The following SPHKAP variants were observed in gnomAD, a reference collection of about 807,000 sequenced individuals.
The protein encoded by SPHKAP is SPHK1 interactor, AKAP domain containing, also known as A-kinase anchor protein SPHKAP.
A neutral mutation model predicts 137.5 loss-of-function variants in SPHKAP; 67 were observed. The observed-to-expected ratio is 0.49, with a 90% confidence interval of 0.40 to 0.60. SPHKAP has a LOEUF of 0.60. Ranked by LOEUF, SPHKAP falls within the 20% of genes least tolerant of loss-of-function variation. The probability of loss-of-function intolerance (pLI) is 0.00; values close to 1 mark genes in which losing one functional copy is unlikely to be tolerated. For missense variants in SPHKAP, 2,097 were observed against 2,069.3 expected (o/e 1.01, Z -0.26); for synonymous variants, 813 against 785.3 (o/e 1.04, Z -0.59).
chr2:228,035,242 C>G (rs1695540261), intron 3 of SPHKAP, among the ~76,000 whole-genome samples: 1 of 119,486 alleles, frequency 8.4e-6, no homozygotes, highest in African/African-American at 3.4e-5. Context: ...CAATAACAGA[C>G]AAACAGAGAG....
intron 3 of SPHKAP, among the ~76,000 whole-genome samples, chr2:228,076,488 G>T (rs1697187723): frequency 6.6e-6 from 1 of 152,086 alleles, no homozygotes; most frequent in African/African-American, 2.4e-5. Context: ...GGCTGAGGTG[G>T]TTTCAGGTGG....
At chr2:227,993,913 G>T (rs1693522515) in intron 8 of SPHKAP, 1 of 342,446 alleles carries the variant, frequency 2.9e-6, no homozygotes, top group Admixed American at 6.5e-5. Context: ...CACACCTAGG[G>T]GGTAACAATC....
intron 11 of SPHKAP, among the ~76,000 whole-genome samples, chr2:227,985,772 A>G (rs1234975266): frequency 6.6e-6 from 1 of 152,216 alleles, no homozygotes; most frequent in Non-Finnish European, 1.5e-5. Flanking sequence ...AAATTAGATT[A>G]ATTGTTTACA....
intron 2 of SPHKAP, among the ~76,000 whole-genome samples, 189 bp from the exon 3 acceptor site, chr2:228,109,128 A>G (rs1202123732): frequency 6.6e-6 from 1 of 152,166 alleles, no homozygotes; most frequent in Admixed American, 6.5e-5. Context: ...CCAACCTAGA[A>G]TTAGCTTGAG....
chr2:227,988,263 T>C (rs1332644306), intron 11 of SPHKAP, among the ~76,000 whole-genome samples: 1 of 152,216 alleles, frequency 6.6e-6, no homozygotes, highest in Non-Finnish European at 1.5e-5. Flanking sequence ...GAGTCTTAGA[T>C]GACTCAAAAG....
intron 2 of SPHKAP, among the ~76,000 whole-genome samples, chr2:228,120,075 A>T (rs1390951990): frequency 6.6e-6 from 1 of 152,186 alleles, no homozygotes; most frequent in African/African-American, 2.4e-5. Flanking sequence ...ATTCTCCGTT[A>T]TCAAGAAGAA....
At chr2:228,131,875 T>C in intron 2 of SPHKAP, 105 bp downstream of exon 2, 1 of 1,448,090 alleles carries the variant, frequency 6.9e-7, no homozygotes, top group Non-Finnish European at 9.4e-7. Flanking sequence ...ATTTTGTTGT[T>C]TGTTTTTATT....
intron 3 of SPHKAP, among the ~76,000 whole-genome samples, chr2:228,036,471 G>A (rs1408802677): frequency 2.0e-5 from 3 of 152,226 alleles, no homozygotes; most frequent in Admixed American, 6.5e-5. Flanking sequence ...GGAAGACAGT[G>A]TGTCCATTCC....
intron 2 of SPHKAP, among the ~76,000 whole-genome samples, chr2:228,126,072 G>A (rs972040455): frequency 6.6e-6 from 1 of 152,046 alleles, no homozygotes; most frequent in Non-Finnish European, 1.5e-5. Context: ...AGAGTGATAT[G>A]CCTCAACAAC....
chr2:228,025,452 A>G lies in SPHKAP; in HGVS notation c.383T>C (p.Ile128Thr), dbSNP rs1339530545. ...MNVQQPKENEIVVLSGLASGN... is the reference protein window; with the variant it reads ...MNVQQPKENETVVLSGLASGN... The stretch of plus-strand genomic sequence containing the variant: ...AGAGGCTAACCCACTTAGGACAACA[A>G]TTTCATTTTCTTTTGGTTGTTGGAC... The change falls in exon 5 of 12, where the codon ATT becomes ACT. Residue 128 changes from isoleucine to threonine, a missense_variant. Ile to Thr is a moderately conservative substitution (Grantham distance 89). Transcript: ENST00000392056. 3 of 1,613,952 alleles carry G rather than the reference A, an allele frequency of 1.9e-6. No individual in the cohort carries two copies. Among genetic ancestry groups the G allele is most frequent in the Non-Finnish European group, 2.5e-6 (3 of 1,179,938 alleles).
intron 3 of SPHKAP, among the ~76,000 whole-genome samples, chr2:228,080,806 C>T (rs542001308): frequency 6.6e-6 from 1 of 151,574 alleles, no homozygotes; most frequent in South Asian, 2.1e-4. Flanking sequence ...AATGATGTAT[C>T]ATCTCACACC....
At chr2:228,091,836 C>G (rs576948657) in intron 3 of SPHKAP, among the ~76,000 whole-genome samples, 10 of 152,114 alleles carry the variant, frequency 6.6e-5, no homozygotes, top group Admixed American at 5.9e-4. Flanking sequence ...TGAACTAGTA[C>G]AACCACTATT....
In SPHKAP at chr2:227,988,701, A is replaced by G. The variant is rs563088748; in HGVS notation, c.4959+2299T>C. On this transcript the variant is annotated intron_variant, in intron 11 of 11. Transcript: ENST00000392056. The stretch of plus-strand genomic sequence containing the variant: ...GAACCAGCTCCTCTTTCATTTTCCC[A>G]TGAGCCTGGGAATGTATTCCTGAGA... 6.6e-5 allele frequency among the ~76,000 whole-genome samples: 10 copies of G among 152,288 alleles called. No homozygotes were observed. The East Asian group carries it at 1.9e-3, about 29-fold the overall frequency.
intron 1 of SPHKAP, among the ~76,000 whole-genome samples, chr2:228,133,841 C>T (rs974203254): frequency 2.6e-5 from 4 of 152,108 alleles, no homozygotes; most frequent in Admixed American, 6.5e-5. Context: ...AAAAAATGAC[C>T]ACTGACTGTG....
chr2:228,066,094 T>C (rs1574817252), intron 3 of SPHKAP, among the ~76,000 whole-genome samples: 1 of 152,182 alleles, frequency 6.6e-6, no homozygotes, highest in East Asian at 1.9e-4. Context: ...TGGAATTTAA[T>C]TATGTCCTTA....
chr2:228,061,194 T>A (rs974485947), intron 3 of SPHKAP, among the ~76,000 whole-genome samples: 1 of 152,196 alleles, frequency 6.6e-6, no homozygotes, highest in African/African-American at 2.4e-5. Context: ...ACGTGAGGGA[T>A]GGCAGGATCG....
At chr2:228,001,249 A>AT (rs1491160545) in intron 7 of SPHKAP, among the ~76,000 whole-genome samples, 3 of 119,826 alleles carry the variant, frequency 2.5e-5, no homozygotes, top group Non-Finnish European at 5.3e-5. Context: ...ATATATATAT[A>AT]CACACACACA....
intron 1 of SPHKAP, among the ~76,000 whole-genome samples, chr2:228,154,686 G>A (rs1214481553): frequency 6.9e-6 from 1 of 144,026 alleles, no homozygotes; most frequent in Non-Finnish European, 1.5e-5. Context: ...GTAGCTGGGA[G>A]TACAGGCGCC....
At chr2:228,080,742 T>C (rs1264259250) in intron 3 of SPHKAP, among the ~76,000 whole-genome samples, 2 of 27,452 alleles carry the variant, frequency 7.3e-5, no homozygotes, top group East Asian at 1.8e-3. Flanking sequence ...TAAAATAAAA[T>C]AAAATAAAAT....
Sources: gnomAD v4.1 joint callset for allele counts (sites outside exome capture counted in the v4.1 genomes callset) on GRCh38, gnomAD v4.1.1 for gene constraint, MANE v1.5 for transcripts, NCBI Gene and HGNC (gene_info 2026-07-23, HGNC 2026-07-21) for gene names.